FBXL2: variants seen among roughly 807,000 people sequenced by gnomAD.
FBXL2 encodes the protein F-box and leucine rich repeat protein 2.
FBXL2 carries 38 observed loss-of-function variants against 69.2 expected under a neutral mutation model. The observed-to-expected ratio is 0.55, with a 90% CI of 0.42 to 0.72. The LOEUF is 0.72. Among genes scored for constraint, FBXL2 ranks in the 30% least tolerant of loss-of-function variants. The probability of loss-of-function intolerance (pLI) is 0.00; values close to 1 mark genes in which losing one functional copy is unlikely to be tolerated. For synonymous variants in FBXL2, 192 were observed against 201.3 expected (o/e 0.95, Z 0.39); for missense variants, 354 against 520.3 (o/e 0.68, Z 3.11).
At chr3:33,284,300 G>A (rs148550040) in intron 1 of FBXL2, among the ~76,000 whole-genome samples, 40 of 152,192 alleles carry the variant, frequency 2.6e-4, no homozygotes, top group African/African-American at 8.7e-4. Flanking sequence ...CCTTCATTTC[G>A]TTATATACCC....
chr3:33,342,711 C>CTTTTTTT (rs71070130), intron 2 of FBXL2, among the ~76,000 whole-genome samples: 740 of 37,944 alleles, frequency 0.02, 264 homozygotes, highest in Middle Eastern at 0.05. Context: ...AATATAACTT[C>CTTTTTTT]TTTTTTTTTT....
intron 2 of FBXL2, among the ~76,000 whole-genome samples, chr3:33,315,879 C>G (rs770004726): frequency 1.3e-5 from 2 of 151,482 alleles, no homozygotes; most frequent in African/African-American, 2.4e-5. Context: ...ATTAGTTTTT[C>G]TTAATGGAGA....
At chr3:33,329,127 A>G (rs1162635378) in intron 2 of FBXL2, among the ~76,000 whole-genome samples, 3 of 152,220 alleles carry the variant, frequency 2.0e-5, no homozygotes, top group Admixed American at 6.5e-5. Context: ...ATTTCTCAAA[A>G]GAAGAAATAT....
intron 2 of FBXL2, among the ~76,000 whole-genome samples, chr3:33,298,184 G>T (rs2125716704): frequency 6.6e-6 from 1 of 152,160 alleles, no homozygotes; most frequent in African/African-American, 2.4e-5. Context: ...CCAAGTATTG[G>T]TATGTTTTTA....
chr3:33,306,111 T>C (rs1228167346), intron 2 of FBXL2, among the ~76,000 whole-genome samples: 1 of 152,084 alleles, frequency 6.6e-6, no homozygotes, highest in Non-Finnish European at 1.5e-5. Flanking sequence ...GGACATTTAA[T>C]TGCTTATTTT....
At chr3:33,292,527 G>A (rs1279736689) in intron 1 of FBXL2, among the ~76,000 whole-genome samples, 4 of 151,302 alleles carry the variant, frequency 2.6e-5, no homozygotes, top group Non-Finnish European at 5.9e-5. Context: ...CAGAACTTGT[G>A]AAGAAAAAAA....
chr3:33,407,444 T>C (rs532468788), downstream of FBXL2, among the ~76,000 whole-genome samples: 55 of 151,996 alleles, frequency 3.6e-4, no homozygotes, highest in Non-Finnish European at 5.7e-4. Context: ...CATTGGTGGG[T>C]CTTCAGCTGA....
chr3:33,411,173 CATT>C, the FBXL2 span, among the ~76,000 whole-genome samples: 1 of 151,714 alleles, frequency 6.6e-6, no homozygotes, highest in South Asian at 2.1e-4. Flanking sequence ...AATTAGTCAT[CATT>C]ATTATCCTAT....
intron 1 of FBXL2, among the ~76,000 whole-genome samples, chr3:33,294,345 C>T (rs2035545035): frequency 1.3e-5 from 2 of 152,188 alleles, no homozygotes; most frequent in South Asian, 4.2e-4. Flanking sequence ...GATCCTCCTG[C>T]CTTGGCCTCC....
intron 2 of FBXL2, among the ~76,000 whole-genome samples, chr3:33,356,690 C>T (rs2041227729): frequency 6.6e-6 from 1 of 151,984 alleles, no homozygotes; most frequent in South Asian, 2.1e-4. Context: ...AGGAGAGGGG[C>T]AATTACAAAA....
intron 2 of FBXL2, among the ~76,000 whole-genome samples, chr3:33,308,675 C>T (rs537617693): frequency 6.6e-6 from 1 of 152,156 alleles, no homozygotes; most frequent in Admixed American, 6.5e-5. Flanking sequence ...TTCTCTCAGC[C>T]CCCATTTTTT....
intron 2 of FBXL2, among the ~76,000 whole-genome samples, chr3:33,349,529 A>G (rs912214931): frequency 6.6e-6 from 1 of 152,110 alleles, no homozygotes; most frequent in Non-Finnish European, 1.5e-5. Context: ...GAATTTTTGC[A>G]TCAATATTCA....
intron 5 of FBXL2, among the ~76,000 whole-genome samples, chr3:33,367,197 T>A (rs981747190): frequency 6.6e-6 from 1 of 151,930 alleles, no homozygotes; most frequent in Non-Finnish European, 1.5e-5. Context: ...TTCTCCTGCC[T>A]CAGCCTCCCA....
intron 2 of FBXL2, among the ~76,000 whole-genome samples, chr3:33,324,867 G>A (rs1162004063): frequency 6.6e-6 from 1 of 152,126 alleles, no homozygotes; most frequent in Non-Finnish European, 1.5e-5. Context: ...CATGGGGATA[G>A]CATTGAATCT....
Position 33,297,646 on chromosome 3 carries a change from T to G in FBXL2, c.4-18T>G, listed in dbSNP as rs1172829637. Reference sequence around the variant, plus strand: ...TTAAAGAACATTTTCACAATTTCCTTTTTTTTTTTCTTTCCAGGTTTTCTC... The same window carrying G: ...TTAAAGAACATTTTCACAATTTCCTGTTTTTTTTTCTTTCCAGGTTTTCTC... On this transcript the variant is annotated intron_variant, in intron 1 of 14. Transcript: ENST00000484457. The G allele has an allele frequency of 7.1e-7, 1 of 1,417,766 alleles. No homozygotes were observed. The highest frequency in any genetic ancestry group is 9.7e-7 in the Non-Finnish European group (1 of 1,035,320). The allele number at this position is 1,417,766 out of a possible 1,614,324, so 87.8% of individuals were successfully genotyped here.
chr3:33,378,286 G>A, intron 12 of FBXL2, 139 bp downstream of exon 12: 1 of 847,664 alleles, frequency 1.2e-6, no homozygotes, highest in South Asian at 1.5e-5. Context: ...GGAAACCTGT[G>A]AAGGCCATGG....
chr3:33,407,687 T>G (rs566950089), downstream of FBXL2, among the ~76,000 whole-genome samples: 2 of 152,344 alleles, frequency 1.3e-5, no homozygotes, highest in South Asian at 4.1e-4. Flanking sequence ...ATGAGTTTCT[T>G]GTGATAGTGC....
chr3:33,313,194 A>T (rs986333544), intron 2 of FBXL2, among the ~76,000 whole-genome samples: 1 of 152,094 alleles, frequency 6.6e-6, no homozygotes, highest in Non-Finnish European at 1.5e-5. Flanking sequence ...AGATGAAATA[A>T]ATTCCTTGAA....
At chr3:33,385,105 A>G (rs982969681) in intron 14 of FBXL2, among the ~76,000 whole-genome samples, 1 of 152,150 alleles carries the variant, frequency 6.6e-6, no homozygotes, top group Non-Finnish European at 1.5e-5. Context: ...TCTCTTGGCT[A>G]ATTTCCAGGT....
Sources: allele counts gnomAD v4.1 joint callset (sites outside exome capture counted in the v4.1 genomes callset), GRCh38; gene constraint gnomAD v4.1.1; transcripts MANE v1.5; gene names NCBI Gene and HGNC (gene_info 2026-07-23, HGNC 2026-07-21).